The following CDH11 variants were observed in gnomAD, a reference collection of about 807,000 sequenced individuals.
The protein encoded by CDH11 is cadherin-11.
A neutral mutation model predicts 67.8 loss-of-function variants in CDH11; 11 were observed. The observed-to-expected ratio is 0.16, with a 90% CI of 0.10 to 0.27. CDH11 has a LOEUF of 0.27. Ranked by LOEUF, CDH11 falls within the 10% of genes least tolerant of loss-of-function variation. CDH11 has a pLI of 1.00. For missense variants in CDH11, 847 were observed against 1,031.2 expected (o/e 0.82, Z 2.45); for synonymous variants, 419 against 400.0 (o/e 1.05, Z -0.57).
intron 9 of CDH11, among the ~76,000 whole-genome samples, chr16:64,972,280 A>T (rs1007919066): frequency 1.3e-5 from 2 of 152,168 alleles, no homozygotes; most frequent in African/African-American, 4.8e-5. Flanking sequence ...AAGAACTAAA[A>T]CACTTTTCCA....
intron 1 of CDH11, among the ~76,000 whole-genome samples, chr16:65,068,924 A>C (rs538552488): frequency 4.1e-4 from 62 of 152,348 alleles, no homozygotes; most frequent in Non-Finnish European, 1.3e-4. Context: ...AATAATTCTA[A>C]TATTGACTAA....
chr16:65,101,302 A>G (rs1014428971), intron 1 of CDH11, among the ~76,000 whole-genome samples: 1 of 152,150 alleles, frequency 6.6e-6, no homozygotes, highest in African/African-American at 2.4e-5. Context: ...CAAGCAGAGC[A>G]CCACAGCCAA....
chr16:65,001,037 T>A (rs188539179), intron 3 of CDH11, among the ~76,000 whole-genome samples: 6 of 152,200 alleles, frequency 3.9e-5, no homozygotes, highest in African/African-American at 1.4e-4. Flanking sequence ...ACCTTGCTTA[T>A]AAAGCAAGGT....
intron 2 of CDH11, among the ~76,000 whole-genome samples, chr16:65,029,359 C>A (rs4967882): frequency 6.6e-6 from 1 of 151,880 alleles, no homozygotes; most frequent in African/African-American, 2.4e-5. Context: ...ACTACATAGT[C>A]GTTTTGTCGA....
chr16:65,051,336 A>G (rs2074052830), intron 2 of CDH11, among the ~76,000 whole-genome samples: 1 of 152,206 alleles, frequency 6.6e-6, no homozygotes, highest in Admixed American at 6.5e-5. Flanking sequence ...ACAGGGGACT[A>G]CCATCTATTT....
chr16:65,047,364 T>C (rs573926806), intron 2 of CDH11, among the ~76,000 whole-genome samples: 1 of 152,104 alleles, frequency 6.6e-6, no homozygotes, highest in Admixed American at 6.5e-5. Flanking sequence ...TTTTGGTTTT[T>C]TTTTTTAGAT....
intron 1 of CDH11, among the ~76,000 whole-genome samples, chr16:65,069,422 T>G (rs2142762872): frequency 6.6e-6 from 1 of 152,354 alleles, no homozygotes; most frequent in Non-Finnish European, 1.5e-5. Flanking sequence ...ATATGATGGT[T>G]AAGGTATTGT....
intron 11 of CDH11, among the ~76,000 whole-genome samples, chr16:64,958,521 T>C (rs1417580533): frequency 6.6e-6 from 1 of 152,190 alleles, no homozygotes; most frequent in African/African-American, 2.4e-5. Context: ...TTTTTCAAAC[T>C]GTGCAAAGAT....
At chr16:65,057,755 G>A (rs888559676) in intron 1 of CDH11, among the ~76,000 whole-genome samples, 14 of 152,196 alleles carry the variant, frequency 9.2e-5, no homozygotes, top group Non-Finnish European at 7.3e-5. Context: ...TTTACAGATT[G>A]AGAAACTGAG....
intron 11 of CDH11, among the ~76,000 whole-genome samples, chr16:64,955,604 G>T (rs544504189): frequency 3.3e-5 from 5 of 152,184 alleles, no homozygotes; most frequent in Non-Finnish European, 7.4e-5. Flanking sequence ...AATTATCCAG[G>T]TGGGGTGACC....
Position 64,991,932 on chromosome 16 carries a change from A to C in CDH11, c.647T>G (p.Ile216Ser). 1 of 1,598,294 alleles carries C rather than the reference A, an allele frequency of 6.3e-7. No homozygotes were observed. Among genetic ancestry groups the C allele is most frequent in the Non-Finnish European group, 8.6e-7 (1 of 1,167,432 alleles). The part of the protein sequence containing the change: ...PYFSVEAQTG[I>S]IRTALPNMDR... The stretch of plus-strand genomic sequence containing the variant: ...CATGTTGGGTAGGGCTGTTCTGATG[A>C]TACCTGGACAGGTAAGCAGGCAACA... The change falls in exon 6 of 13, where the codon ATC becomes AGC. Residue 216 changes from isoleucine (I) to serine (S), a missense_variant. This residue lies in a region of CDH11 where 235 missense variants were observed against 352.5 expected (regional missense o/e 0.67). Coordinates refer to ENST00000268603, the MANE Select transcript of CDH11 (RefSeq NM_001797.4).
In CDH11 at chr16:64,982,209, G is replaced by A. The variant is rs779382579; in HGVS notation, c.1092C>T (p.Phe364=). The A allele has an allele frequency of 2.5e-6, 4 of 1,614,036 alleles. No homozygotes were observed. The East Asian group carries it at 8.9e-5, about 36-fold the overall frequency. Residue 364 remains phenylalanine (F), a synonymous_variant, in exon 8 of 13, where the codon TTC becomes TTT. Coordinates refer to ENST00000268603, the MANE Select transcript of CDH11 (RefSeq NM_001797.4). The part of the protein sequence containing the change: ...IDPKFISNGP[F]KDTVTVKISV... ...AGATCTTGACGGTCACAGTGTCCTTGAAAGGGCCATTGCTGATAAACTTCG... is the reference window on the plus strand; with the variant it reads ...AGATCTTGACGGTCACAGTGTCCTTAAAAGGGCCATTGCTGATAAACTTCG...
intron 11 of CDH11, among the ~76,000 whole-genome samples, chr16:64,965,739 T>C (rs1040400179): frequency 4.0e-5 from 6 of 151,766 alleles, no homozygotes; most frequent in African/African-American, 1.5e-4. Flanking sequence ...TGTGGTCTGC[T>C]GCTGTCCAAG....
At chr16:65,032,660 C>G (rs188693776) in intron 2 of CDH11, among the ~76,000 whole-genome samples, 1 of 152,290 alleles carries the variant, frequency 6.6e-6, no homozygotes, top group East Asian at 1.9e-4. Context: ...CATTATATAA[C>G]AGAGGTAGTG....
intron 1 of CDH11, among the ~76,000 whole-genome samples, chr16:65,079,625 T>C (rs998792564): frequency 6.6e-6 from 1 of 152,216 alleles, no homozygotes; most frequent in African/African-American, 2.4e-5. Context: ...CTCATAGCCT[T>C]GTTCCTCTCT....
intron 1 of CDH11, among the ~76,000 whole-genome samples, chr16:65,089,196 G>C (rs6498976): frequency 0.99 from 151,072 of 152,216 alleles, 74,969 homozygotes; most frequent in Middle Eastern, 1. Context: ...TCCTGCAACT[G>C]AAACAGCAGC....
chr16:65,024,023 A>G (rs187679555), intron 2 of CDH11, among the ~76,000 whole-genome samples: 4 of 152,286 alleles, frequency 2.6e-5, no homozygotes, highest in Admixed American at 2.6e-4. Flanking sequence ...TTCAAGGTGG[A>G]GTCACTCTGG....
chr16:65,049,404 T>C (rs902845631), intron 2 of CDH11, among the ~76,000 whole-genome samples: 1 of 152,068 alleles, frequency 6.6e-6, no homozygotes, highest in Admixed American at 6.5e-5. Context: ...TCATCGGTGG[T>C]CCTCAGCAAG....
intron 1 of CDH11, among the ~76,000 whole-genome samples, chr16:65,118,090 T>C (rs2075272863): frequency 6.6e-6 from 1 of 152,140 alleles, no homozygotes; most frequent in Non-Finnish European, 1.5e-5. Flanking sequence ...GGCTTGTAAG[T>C]AACAAAACCG....
Sources: gnomAD v4.1 joint callset for allele counts (sites outside exome capture counted in the v4.1 genomes callset) on GRCh38, gnomAD v4.1.1 for gene constraint, gnomAD v4.1.1 regional missense constraint, MANE v1.5 for transcripts, NCBI Gene and HGNC (gene_info 2026-07-23, HGNC 2026-07-21) for gene names.